NAV3: variants seen among roughly 807,000 people sequenced by gnomAD.
The protein encoded by NAV3 is neuron navigator 3, also known as pore membrane and/or filament interacting like protein 1.
In NAV3, 87 loss-of-function variants were observed where a neutral mutation model predicts 244.7. That is an observed-to-expected ratio of 0.36 (90% CI 0.30 to 0.42). The LOEUF (loss-of-function observed/expected upper bound fraction) is 0.42. Among genes scored for constraint, NAV3 ranks in the 20% least tolerant of loss-of-function variants. NAV3 has a pLI of 1.00. For synonymous variants in NAV3, 1,126 were observed against 1,042.2 expected (o/e 1.08, Z -1.55); for missense variants, 2,663 against 2,893.3 (o/e 0.92, Z 1.83).
chr12:78,177,713 T>G, intron 28 of NAV3, 28 bp downstream of exon 28: 1 of 1,588,100 alleles, frequency 6.3e-7, no homozygotes, highest in Non-Finnish European at 8.5e-7. Context: ...GCATGAATAC[T>G]GCAAAGATCC....
chr12:78,124,187 C>T (rs980100525), intron 16 of NAV3, among the ~76,000 whole-genome samples: 8 of 152,082 alleles, frequency 5.3e-5, no homozygotes, highest in African/African-American at 1.9e-4. Flanking sequence ...GACATTAATC[C>T]AAGATTCAGA....
chr12:77,655,028 T>G (rs1873021942), intron 2 of NAV3, among the ~76,000 whole-genome samples: 1 of 151,908 alleles, frequency 6.6e-6, no homozygotes, highest in Non-Finnish European at 1.5e-5. Context: ...GCAGAAAAAC[T>G]GGAAACTCTA....
chr12:77,920,445 AG>A, intron 1 of NAV3, among the ~76,000 whole-genome samples: 1 of 152,134 alleles, frequency 6.6e-6, no homozygotes, highest in African/African-American at 2.4e-5. Flanking sequence ...CACAACAAAA[AG>A]CCCCAAAACT....
At chr12:77,656,425 G>A (rs1873108216) in intron 2 of NAV3, among the ~76,000 whole-genome samples, 2 of 122,638 alleles carry the variant, frequency 1.6e-5, no homozygotes, top group South Asian at 5.5e-4. Flanking sequence ...AAATATATAT[G>A]CACCCAATAC....
At chr12:78,168,254 G>A (rs1957861298) in intron 23 of NAV3, among the ~76,000 whole-genome samples, 1 of 151,616 alleles carries the variant, frequency 6.6e-6, no homozygotes, top group African/African-American at 2.4e-5. Flanking sequence ...GTAAGTTCCA[G>A]GTTTTACACT....
At chr12:77,694,995 A>G (rs1875228592) in intron 2 of NAV3, among the ~76,000 whole-genome samples, 1 of 152,216 alleles carries the variant, frequency 6.6e-6, no homozygotes, top group Admixed American at 6.5e-5. Context: ...CACTAACAAC[A>G]ATGGCTGGCA....
chr12:78,188,486 A>C (rs1958826404), intron 32 of NAV3, 123 bp from the exon 33 acceptor site: 1 of 1,168,272 alleles, frequency 8.6e-7, no homozygotes, highest in Admixed American at 2.4e-5. Context: ...TGATATTAAC[A>C]GTTCTTATAT....
chr12:78,012,195 T>C (rs761302524), intron 8 of NAV3, among the ~76,000 whole-genome samples: 1 of 152,152 alleles, frequency 6.6e-6, no homozygotes, highest in Non-Finnish European at 1.5e-5. Context: ...TCAGCTAGTC[T>C]TCCTAACCCT....
intron 2 of NAV3, among the ~76,000 whole-genome samples, chr12:77,613,714 G>A (rs1282996963): frequency 6.6e-6 from 1 of 152,110 alleles, no homozygotes; most frequent in East Asian, 1.9e-4. Flanking sequence ...CCTTTTCATA[G>A]TATAAACCCC....
At position 77,994,847 on chromosome 12, in the gene NAV3, C is replaced by A. The variant is rs1439842289; in HGVS notation, c.716C>A (p.Ala239Glu). The A allele has an allele frequency of 6.2e-7, 1 of 1,608,636 alleles. No homozygotes were observed. The highest frequency in any genetic ancestry group is 8.5e-7 in the Non-Finnish European group (1 of 1,177,142). ...YATQSNHSGI[A>E]TSQKKPTRLP... ...ACTCAGTCTAATCACAGTGGAATTG[C>A]AACCAGTCAAAAAAAGCCTACTAGG... Residue 239 changes from alanine to glutamate, a missense_variant, in exon 6 of 40, where the codon GCA becomes GAA. Ala to Glu is a moderately radical substitution (Grantham distance 107). Transcript: ENST00000397909.
At chr12:77,698,986 T>A (rs1053449402) in intron 2 of NAV3, among the ~76,000 whole-genome samples, 2 of 152,162 alleles carry the variant, frequency 1.3e-5, no homozygotes, top group African/African-American at 4.8e-5. Context: ...AGTCTGAATA[T>A]TCTAAATTAA....
intron 17 of NAV3, among the ~76,000 whole-genome samples, chr12:78,128,461 A>G (rs551264054): frequency 1.3e-5 from 2 of 152,086 alleles, no homozygotes; most frequent in Admixed American, 6.6e-5. Context: ...ATTGCTTATG[A>G]TTTCCAACTG....
At chr12:78,002,295 C>A (rs1264673946) in intron 7 of NAV3, among the ~76,000 whole-genome samples, 1 of 152,140 alleles carries the variant, frequency 6.6e-6, no homozygotes, top group Non-Finnish European at 1.5e-5. Flanking sequence ...GCCCCAGCAC[C>A]AGAAGGGATA....
intron 7 of NAV3, among the ~76,000 whole-genome samples, chr12:77,999,250 G>A (rs1238887423): frequency 3.3e-5 from 5 of 152,164 alleles, no homozygotes; most frequent in Admixed American, 3.3e-4. Flanking sequence ...GCTGTGTGAG[G>A]AACTAGGGTG....
At chr12:78,024,152 T>G (rs1877612001) in intron 9 of NAV3, among the ~76,000 whole-genome samples, 1 of 152,214 alleles carries the variant, frequency 6.6e-6, no homozygotes, top group South Asian at 2.1e-4. Context: ...ATATTTTTCT[T>G]CTCTCCTTAG....
intron 1 of NAV3, among the ~76,000 whole-genome samples, chr12:77,880,613 A>G (rs1276793891): frequency 6.6e-6 from 1 of 152,174 alleles, no homozygotes; most frequent in Non-Finnish European, 1.5e-5. Flanking sequence ...CTGCACAGTG[A>G]TATTTCCATC....
chr12:77,582,645 G>C (rs1869418803), intron 2 of NAV3, among the ~76,000 whole-genome samples: 1 of 152,160 alleles, frequency 6.6e-6, no homozygotes, highest in African/African-American at 2.4e-5. Flanking sequence ...GTTTTTGCCA[G>C]CCCATCAGCC....
chr12:77,939,506 A>T (rs1357104083), intron 1 of NAV3, among the ~76,000 whole-genome samples: 1 of 152,144 alleles, frequency 6.6e-6, no homozygotes, highest in African/African-American at 2.4e-5. Flanking sequence ...CATATGTACC[A>T]CCCATAAAGC....
intron 17 of NAV3, 81 bp from the exon 18 acceptor site, chr12:78,128,625 C>T (rs2138843389): frequency 7.3e-7 from 1 of 1,370,002 alleles, no homozygotes; most frequent in Non-Finnish European, 9.9e-7. Flanking sequence ...GAATAGTAAC[C>T]TCCTCTGAAT....
Sources: gnomAD v4.1 joint callset for allele counts (sites outside exome capture counted in the v4.1 genomes callset) on GRCh38, gnomAD v4.1.1 for gene constraint, MANE v1.5 for transcripts, NCBI Gene and HGNC (gene_info 2026-07-23, HGNC 2026-07-21) for gene names.